The following RHBDF1 variants were observed in gnomAD, a reference collection of about 807,000 sequenced individuals.
RHBDF1 encodes inactive rhomboid protein 1.
Under a neutral mutation model 98.6 loss-of-function variants are expected in RHBDF1, and 80 were observed. The ratio of observed to expected loss-of-function variants is 0.81; its 90% CI spans 0.68 to 0.98. RHBDF1 has a LOEUF of 0.98. Among genes scored for constraint, RHBDF1 ranks in the 50% least tolerant of loss-of-function variants. RHBDF1 has a pLI of 0.00. For synonymous variants in RHBDF1, 512 were observed against 486.8 expected, an observed-to-expected ratio of 1.05 and a Z score of -0.68; for missense variants, 1,116 against 1,198.3, an observed-to-expected ratio of 0.93 and a Z score of 1.01.
intron 4 of RHBDF1, 75 bp from the exon 5 acceptor site, chr16:63,257 A>T: frequency 7.8e-7 from 1 of 1,274,912 alleles, no homozygotes; most frequent in Non-Finnish European, 1.1e-6. Context: ...GAGGCCTTGC[A>T]AAGACAGCGT....
At position 64,789 on chromosome 16, in the gene RHBDF1, G is replaced by A; in HGVS notation, c.158C>T (p.Pro53Leu). 1.2e-6 allele frequency: 2 copies of A among 1,614,102 alleles called. No individual in the cohort carries two copies. Among genetic ancestry groups the A allele is most frequent in the Non-Finnish European group, 1.7e-6 (2 of 1,180,022 alleles). Reference sequence around the variant, plus strand: ...TGAAGAGATGTGGGCTGTCTCGGCTGGCATACTCACACTCCTCAGGAAAGC... The same window carrying A: ...TGAAGAGATGTGGGCTGTCTCGGCTAGCATACTCACACTCCTCAGGAAAGC... ...RQAFLRSVSM[P>L]AETAHISSPH... Residue 53 changes from proline to leucine, a missense_variant, in exon 3 of 18, where the codon CCA becomes CTA. By Grantham distance (98) the Pro-to-Leu change is moderately conservative. Transcript: ENST00000262316.
Position 58,240 on chromosome 16 carries a change from C to A in RHBDF1, c.*100G>T. 4 of 1,186,778 alleles carry A rather than the reference C, an allele frequency of 3.4e-6. No individual in the cohort carries two copies. The South Asian group carries it at 5.9e-5, about 17-fold the overall frequency. 73.5% of individuals were successfully genotyped at this position (1,186,778 alleles called of 1,614,324 possible). A position where few individuals can be genotyped will look rare whatever the true frequency, so the allele number is the denominator to read the frequency against. ...CTGTGTTCAGGAAACAGGCCAGTCC[C>A]CACATGGAGCAGGTGACTCCTGTAA... On this transcript the variant is annotated 3_prime_UTR_variant, in exon 18 of 18. Transcript: ENST00000262316.
chr16:58,625 A>C lies in RHBDF1; in HGVS notation c.2283T>G (p.Phe761Leu), dbSNP rs760670107. ...AGTTGTCAATCCACGGCAGCAGCCC[A>C]AAGGTGAAGAGGAAGAGCACCACAG... is the stretch of plus-strand genomic sequence containing the variant. The part of the protein sequence containing the change: ...LLAVVLFLFT[F>L]GLLPWIDNFA... The change falls in exon 18 of 18, where the codon TTT (phenylalanine) becomes TTG (leucine). Residue 761 changes from phenylalanine (F) to leucine (L), a missense_variant. By Grantham distance (22) the Phe-to-Leu change is conservative. Coordinates refer to ENST00000262316, the MANE Select transcript of RHBDF1 (RefSeq NM_022450.5). 1 of 1,613,608 alleles carries C rather than the reference A, an allele frequency of 6.2e-7. No individual in the cohort carries two copies. The highest frequency in any genetic ancestry group is 8.5e-7 in the Non-Finnish European group (1 of 1,180,022).
intron 1 of RHBDF1, among the ~76,000 whole-genome samples, chr16:71,646 G>C (rs1017851931): frequency 1.3e-5 from 2 of 152,214 alleles, no homozygotes; most frequent in Non-Finnish European, 2.9e-5. Context: ...CACCGGGACA[G>C]ACACACACAT....
upstream of RHBDF1, among the ~76,000 whole-genome samples, chr16:75,759 G>A (rs889069838): frequency 2.6e-5 from 4 of 152,164 alleles, no homozygotes; most frequent in Non-Finnish European, 2.9e-5. Context: ...AGACACAGAT[G>A]GCCGCAGAGA....
chr16:61,153 C>T lies in RHBDF1; in HGVS notation c.1524G>A (p.Ser508=), dbSNP rs745964182. Residue 508 remains serine (S), a synonymous_variant, in exon 11 of 18, where the codon TCG becomes TCA. Transcript: ENST00000262316. ...CCTCCTCCGAGGTCTGCACGCAGCC[C>T]GACCTGTCGTTGCGCACGCAGCAGG... ...HSACCVRNDR[S]GCVQTSEEEC... is the part of the protein sequence containing the mutation. 7.8e-6 allele frequency: 12 copies of T among 1,538,054 alleles called. No homozygotes were observed. The highest frequency in any genetic ancestry group is 1.0e-5 in the Non-Finnish European group (12 of 1,144,818).
rs150122375 is a variant in RHBDF1 at position 62,569 on chromosome 16, G to A, written c.922C>T (p.Arg308Cys). 2.2e-4 allele frequency: 360 copies of A among 1,613,200 alleles called. No homozygotes were observed. Among genetic ancestry groups the A allele is most frequent in the Non-Finnish European group, 1.9e-4 (219 of 1,180,010 alleles). The change falls in exon 7 of 18, where the codon CGC becomes TGC. Residue 308 changes from arginine (R) to cysteine (C), a missense_variant. Arg to Cys is a radical substitution (Grantham distance 180, BLOSUM62 -3). Coordinates refer to ENST00000262316, the MANE Select transcript of RHBDF1 (RefSeq NM_022450.5). ...AGGTGGCTGCGCTCAAGCTCGCTGC[G>A]GTCCAGGGCCCCGCCGGTGAGGTCC... Reference protein sequence around the residue: ...QADLTGGALDRSELERSHLML... With the variant: ...QADLTGGALDCSELERSHLML...
chr16:72,676 G>T (rs1027394382), upstream of RHBDF1: 11 of 980,954 alleles, frequency 1.1e-5, no homozygotes, highest in Non-Finnish European at 1.3e-5. Flanking sequence ...CGGCCGGAGC[G>T]GGGCGGTCGC....
intron 1 of RHBDF1, among the ~76,000 whole-genome samples, chr16:70,018 G>C (rs1450949579): frequency 2.6e-5 from 4 of 152,082 alleles, no homozygotes; most frequent in Non-Finnish European, 5.9e-5. Context: ...AGGAGGGGGG[G>C]GGGCACTGCC....
At chr16:62,391 C>T in intron 7 of RHBDF1, 147 bp downstream of exon 7, 1 of 1,102,984 alleles carries the variant, frequency 9.1e-7, no homozygotes, top group Non-Finnish European at 1.3e-6. Context: ...GCGTCTCCCA[C>T]CCCTGGTGGC....
Position 59,293 on chromosome 16 carries a change from A to G in RHBDF1, c.1950T>C (p.Pro650=). Residue 650 remains proline (P), a synonymous_variant, in exon 16 of 18, where the codon CCT becomes CCC. Coordinates refer to ENST00000262316, the MANE Select transcript of RHBDF1 (RefSeq NM_022450.5). ...ATAGCCACAGGCGGTAGAACTGGTC[A>G]GGCACCTCGGGGTTGAGAAAAGGCA... ...GLLPFLNPEV[P]DQFYRLWLSL... The G allele has an allele frequency of 6.2e-7, 1 of 1,611,394 alleles. No homozygotes were observed. Among genetic ancestry groups the G allele is most frequent in the Non-Finnish European group, 8.5e-7 (1 of 1,178,558 alleles).
intron 4 of RHBDF1, 92 bp from the exon 5 acceptor site, chr16:63,274 T>C: frequency 1.8e-6 from 2 of 1,091,292 alleles, no homozygotes; most frequent in Non-Finnish European, 2.6e-6. Flanking sequence ...GCGTGACTGC[T>C]GCTCCTGACT....
At chr16:60,949 G>C (rs1897587789) in intron 11 of RHBDF1, 171 bp downstream of exon 11, 1 of 682,842 alleles carries the variant, frequency 1.5e-6, no homozygotes, top group Non-Finnish European at 2.4e-6. Context: ...CGAGGAGCTG[G>C]AGATGGGGGA....
chr16:62,183 C>A, intron 7 of RHBDF1, 131 bp from the exon 8 acceptor site: 8 of 1,303,012 alleles, frequency 6.1e-6, no homozygotes, highest in Non-Finnish European at 8.1e-6. Flanking sequence ...TCTGCCTTCT[C>A]CTTGCCAGTA....
At position 64,914 on chromosome 16, in the gene RHBDF1, C is replaced by T. The variant is rs371615640; in HGVS notation, c.102G>A (p.Glu34=). ...IPSAVPLTAE[E]PSFLQPLRRQ... ...CAGGGCCTACCTGCAGGAAGCTGGGCTCTTCTGCCGTCAGGGGCACCGCAG... is the reference window on the plus strand; with the variant it reads ...CAGGGCCTACCTGCAGGAAGCTGGGTTCTTCTGCCGTCAGGGGCACCGCAG... The change falls in exon 2 of 18, where the codon GAG becomes GAA. Residue 34 remains glutamate, a synonymous_variant. Coordinates refer to ENST00000262316, the MANE Select transcript of RHBDF1 (RefSeq NM_022450.5). 107 of 1,607,208 alleles carry T rather than the reference C, an allele frequency of 6.7e-5. No individual in the cohort carries two copies. Among genetic ancestry groups the T allele is most frequent in the Non-Finnish European group, 8.8e-5 (104 of 1,175,344 alleles).
chr16:62,456 G>A, intron 7 of RHBDF1, 82 bp downstream of exon 7: 2 of 1,536,820 alleles, frequency 1.3e-6, no homozygotes, highest in Non-Finnish European at 1.8e-6. Flanking sequence ...CGCCCACAGA[G>A]GTGAATGCCG....
At chr16:65,074 A>T (rs6600227) in intron 1 of RHBDF1, 35 bp from the exon 2 acceptor site, 274 of 1,481,860 alleles carry the variant, frequency 1.8e-4, no homozygotes, top group Non-Finnish European at 2.1e-4. Context: ...ATAATGACAA[A>T]GCTGACATCT....
intron 1 of RHBDF1, 100 bp from the exon 2 acceptor site, chr16:65,139 C>G (rs936282112): frequency 1.1e-5 from 14 of 1,271,934 alleles, no homozygotes; most frequent in African/African-American, 1.1e-4. Flanking sequence ...TGAGCCCAAC[C>G]GTGGTGCTCA....
intron 3 of RHBDF1, chr16:64,456 A>G: frequency 6.7e-7 from 1 of 1,491,662 alleles, no homozygotes; most frequent in African/African-American, 1.4e-5. Context: ...AGGCAAGAGC[A>G]TCCGGGCGGT....
Sources: gnomAD v4.1 joint callset for allele counts (sites outside exome capture counted in the v4.1 genomes callset) on GRCh38, gnomAD v4.1.1 for gene constraint, MANE v1.5 for transcripts, NCBI Gene and HGNC (gene_info 2026-07-23, HGNC 2026-07-21) for gene names.